Variants in ELP3 observed in about 807,000 individuals in gnomAD.
ELP3 encodes elongator complex protein 3.
Under a neutral mutation model 74.9 loss-of-function variants are expected in ELP3, and 56 were observed. The ratio of observed to expected loss-of-function variants is 0.75; its 90% CI spans 0.60 to 0.93. ELP3 has a LOEUF of 0.93. Ranked by LOEUF, ELP3 falls within the 40% of genes least tolerant of loss-of-function variation. The pLI is 0.00. For synonymous variants in ELP3, 222 were observed against 239.8 expected, an observed-to-expected ratio of 0.93 and a Z score of 0.68; for missense variants, 573 against 686.5, an observed-to-expected ratio of 0.83 and a Z score of 1.85.
chr8:28,122,531 C>T (rs867160438), intron 7 of ELP3, among the ~76,000 whole-genome samples: 5 of 152,148 alleles, frequency 3.3e-5, no homozygotes, highest in Admixed American at 2.0e-4. Context: ...TAAAAAGTTA[C>T]GTTTTTCAAG....
Position 28,189,800 on chromosome 8 carries a change from A to G in ELP3, c.*75A>G. The G allele has an allele frequency of 1.3e-6, 2 of 1,495,568 alleles. No individual in the cohort carries two copies. Among genetic ancestry groups the G allele is most frequent in the Non-Finnish European group, 1.9e-6 (2 of 1,074,694 alleles). The allele number at this position is 1,495,568 out of a possible 1,614,324, so 92.6% of individuals were successfully genotyped here. A position where few individuals can be genotyped will look rare whatever the true frequency, so the allele number is the denominator to read the frequency against. On this transcript the variant is annotated 3_prime_UTR_variant, in exon 15 of 15. Coordinates refer to ENST00000256398, the MANE Select transcript of ELP3 (RefSeq NM_018091.6). ...AGAATCAGGATTTCTTAAATACTCA[A>G]CAGAGAGGCTGAGCAGAGCAAATGG...
At chr8:28,189,543 A>T in intron 14 of ELP3, 106 bp from the exon 15 acceptor site, 2 of 935,392 alleles carry the variant, frequency 2.1e-6, no homozygotes, top group African/African-American at 1.6e-5. Flanking sequence ...TGTGGGAGAG[A>T]ATTTGGTCTC....
intron 3 of ELP3, among the ~76,000 whole-genome samples, chr8:28,106,495 C>A (rs926160660): frequency 6.7e-6 from 1 of 148,872 alleles, no homozygotes; most frequent in Non-Finnish European, 1.5e-5. Context: ...AGCCGAGATC[C>A]CGCCACTGCA....
intron 2 of ELP3, among the ~76,000 whole-genome samples, chr8:28,097,545 C>T (rs537933081): frequency 3.9e-5 from 6 of 151,954 alleles, no homozygotes; most frequent in South Asian, 2.1e-4. Flanking sequence ...TACAGGCGCC[C>T]GCCACCACGC....
intron 14 of ELP3, 31 bp downstream of exon 14, chr8:28,162,109 C>G: frequency 6.2e-7 from 1 of 1,608,970 alleles, no homozygotes; most frequent in Non-Finnish European, 8.5e-7. Flanking sequence ...TTCATGATTC[C>G]TTCCCATTTT....
At position 28,158,608 on chromosome 8, in the gene ELP3, T is replaced by A. The variant is rs1813940390; in HGVS notation, c.1232T>A (p.Ile411Asn). 1 of 1,516,178 alleles carries A rather than the reference T, an allele frequency of 6.6e-7. No homozygotes were observed. Among genetic ancestry groups the A allele is most frequent in the Admixed American group, 1.9e-5 (1 of 53,832 alleles). The allele number at this position is 1,516,178 out of a possible 1,614,324, so 93.9% of individuals were successfully genotyped here. ...VRTREVGIQE[I>N]HHKVRPYQVE... ...ACCAGAGAAGTTGGAATCCAAGAAA[T>A]TCATCACAAAGTACGGCCATACCAG... The change falls in exon 12 of 15, where the codon ATT becomes AAT. Residue 411 changes from isoleucine to asparagine, a missense_variant. Physicochemically the swap from Ile to Asn is moderately radical, Grantham distance 149. Coordinates refer to ENST00000256398, the MANE Select transcript of ELP3 (RefSeq NM_018091.6).
At chr8:28,136,052 C>A (rs558486989) in intron 9 of ELP3, among the ~76,000 whole-genome samples, 1 of 151,686 alleles carries the variant, frequency 6.6e-6, no homozygotes, top group African/African-American at 2.4e-5. Context: ...ACCTCCGCCT[C>A]CTGGGTTCAA....
chr8:28,155,611 G>T (rs1181515290), intron 10 of ELP3, among the ~76,000 whole-genome samples: 1 of 152,130 alleles, frequency 6.6e-6, no homozygotes, highest in East Asian at 1.9e-4. Flanking sequence ...GATTTATTTG[G>T]TACAAATGTC....
chr8:28,168,683 C>A (rs576945696), intron 14 of ELP3, among the ~76,000 whole-genome samples: 1 of 152,316 alleles, frequency 6.6e-6, no homozygotes, highest in South Asian at 2.1e-4. Flanking sequence ...CTACTCACTA[C>A]CAGCTGTCTA....
intron 11 of ELP3, among the ~76,000 whole-genome samples, chr8:28,157,513 T>A (rs1377150783): frequency 6.6e-6 from 1 of 152,204 alleles, no homozygotes; most frequent in Non-Finnish European, 1.5e-5. Context: ...TTGAGCTAGT[T>A]CCTGGGGTGT....
At chr8:28,092,998 T>C (rs1811099245), upstream of ELP3, 19 of 712,634 alleles carry the variant, frequency 2.7e-5, no homozygotes, top group South Asian at 2.6e-4. Context: ...CGGGGCAGGA[T>C]CGCAGCCTAG....
At chr8:28,125,338 G>T (rs1158801247) in intron 7 of ELP3, among the ~76,000 whole-genome samples, 1 of 152,218 alleles carries the variant, frequency 6.6e-6, no homozygotes, top group Non-Finnish European at 1.5e-5. Context: ...GTTGCAGCAT[G>T]TCCACACAGG....
intron 14 of ELP3, among the ~76,000 whole-genome samples, chr8:28,171,352 CTTT>C (rs35043302): frequency 6.7e-6 from 1 of 148,906 alleles, no homozygotes; most frequent in Non-Finnish European, 1.5e-5. Context: ...TGAGATTTTT[CTTT>C]TTTTTTTTTT....
chr8:28,162,750 G>A (rs1009284135), intron 14 of ELP3, among the ~76,000 whole-genome samples: 3 of 152,146 alleles, frequency 2.0e-5, no homozygotes, highest in Non-Finnish European at 4.4e-5. Context: ...GTTTTTATAC[G>A]AGTGCAAAGT....
intron 14 of ELP3, among the ~76,000 whole-genome samples, chr8:28,182,533 C>A (rs1236230223): frequency 1.3e-5 from 2 of 152,204 alleles, no homozygotes; most frequent in Non-Finnish European, 2.9e-5. Flanking sequence ...TGCACTCCAG[C>A]CTGGGTGACA....
intron 7 of ELP3, among the ~76,000 whole-genome samples, chr8:28,115,243 C>G (rs117761825): frequency 0.012 from 1,848 of 151,848 alleles, 30 homozygotes; most frequent in African/African-American, 0.042. Context: ...GCTGACGGTA[C>G]GAAACTGGGG....
upstream of ELP3, among the ~76,000 whole-genome samples, chr8:28,092,299 C>T (rs753660251): frequency 7.2e-5 from 11 of 152,162 alleles, no homozygotes; most frequent in Non-Finnish European, 1.3e-4. Flanking sequence ...GAATGATCTC[C>T]ACTCACTGCA....
Position 28,155,922 on chromosome 8 carries a change from T to C in ELP3, c.1101-20T>C. ...ATGATTTCTATTTTGCAACAGCTTATGTTTTTCTCCTGTGTACAGGGATAT... is the reference window on the plus strand; with the variant it reads ...ATGATTTCTATTTTGCAACAGCTTACGTTTTTCTCCTGTGTACAGGGATAT... On this transcript the variant is annotated intron_variant, in intron 10 of 14. Coordinates refer to ENST00000256398, the MANE Select transcript of ELP3 (RefSeq NM_018091.6). 6.3e-7 allele frequency: 1 copy of C among 1,591,728 alleles called. No individual in the cohort carries two copies. Among genetic ancestry groups the C allele is most frequent in the East Asian group, 2.2e-5 (1 of 44,748 alleles).
chr8:28,181,764 G>A (rs1478086197), intron 14 of ELP3, among the ~76,000 whole-genome samples: 2 of 152,256 alleles, frequency 1.3e-5, no homozygotes, highest in Non-Finnish European at 2.9e-5. Flanking sequence ...CTGGGTCTCA[G>A]TTACTGTTCT....
Sources: gnomAD v4.1 joint callset for allele counts (sites outside exome capture counted in the v4.1 genomes callset) on GRCh38, gnomAD v4.1.1 for gene constraint, MANE v1.5 for transcripts, NCBI Gene and HGNC (gene_info 2026-07-23, HGNC 2026-07-21) for gene names.